The following RYR3 variants were observed in gnomAD, a reference collection of about 807,000 sequenced individuals.
RYR3 encodes brain ryanodine receptor-calcium release channel.
In RYR3, 207 loss-of-function variants were observed where a neutral mutation model predicts 584.3. The ratio of observed to expected loss-of-function variants is 0.35; its 90% CI spans 0.32 to 0.40. RYR3 has a LOEUF of 0.40. Ranked by LOEUF, RYR3 falls within the 10% of genes least tolerant of loss-of-function variation. RYR3 has a pLI of 1.00. For missense variants in RYR3, 5,616 were observed against 6,089.2 expected, an observed-to-expected ratio of 0.92 and a Z score of 2.59; for synonymous variants, 2,416 against 2,248.5, an observed-to-expected ratio of 1.07 and a Z score of -2.11.
chr15:33,826,770 A>T lies in RYR3; in HGVS notation c.11245+18A>T. The T allele has an allele frequency of 6.4e-7, 1 of 1,552,036 alleles. No individual in the cohort carries two copies. The highest frequency in any genetic ancestry group is 8.7e-7 in the Non-Finnish European group (1 of 1,150,394). ...TAACAGTGGTGAGTGGAACAGATTG[A>T]TCTGCCAAGGAAACACAGCACTCGG... On this transcript the variant is annotated intron_variant, in intron 84 of 103. Transcript: ENST00000634891.
chr15:33,490,757 AAAG>A (rs2050899193), intron 2 of RYR3, among the ~76,000 whole-genome samples: 1 of 151,838 alleles, frequency 6.6e-6, no homozygotes, highest in African/African-American at 2.4e-5. Flanking sequence ...AAAAAAAAAA[AAAG>A]AGTCAAGAAA....
intron 3 of RYR3, among the ~76,000 whole-genome samples, chr15:33,517,299 A>C (rs1479668568): frequency 6.6e-6 from 1 of 152,188 alleles, no homozygotes; most frequent in African/African-American, 2.4e-5. Flanking sequence ...AGCCTCTTCT[A>C]CCTTTTAAAT....
At chr15:33,449,307 T>C (rs1363937425) in intron 1 of RYR3, among the ~76,000 whole-genome samples, 1 of 152,172 alleles carries the variant, frequency 6.6e-6, no homozygotes, top group Admixed American at 6.5e-5. Flanking sequence ...CATCCATTCC[T>C]GACCACATGA....
At chr15:33,328,565 A>C (rs964928399) in intron 1 of RYR3, among the ~76,000 whole-genome samples, 5 of 152,176 alleles carry the variant, frequency 3.3e-5, no homozygotes, top group Non-Finnish European at 7.4e-5. Flanking sequence ...GAGCTTCATT[A>C]TGCTTTTGGG....
chr15:33,469,058 T>C (rs2048712236), intron 1 of RYR3, among the ~76,000 whole-genome samples: 1 of 152,160 alleles, frequency 6.6e-6, no homozygotes, highest in Admixed American at 6.5e-5. Flanking sequence ...ATGTTGGCCA[T>C]TTAAAAACAT....
intron 3 of RYR3, among the ~76,000 whole-genome samples, chr15:33,522,766 C>T (rs1232309623): frequency 1.3e-5 from 2 of 152,140 alleles, no homozygotes; most frequent in East Asian, 1.9e-4. Flanking sequence ...CTGTACTTAG[C>T]GAGCTCCTGT....
Position 33,835,070 on chromosome 15 carries a change from C to A in RYR3, c.11566C>A (p.Gln3856Lys). The change falls in exon 87 of 104, where the codon CAG becomes AAG. Residue 3856 changes from glutamine to lysine, a missense_variant and splice_region_variant. Transcript: ENST00000634891. ...TGCTAATATGCAGATGAAACTCTCT[C>A]AGGTACTGTGGCCCATTCCCTGCAC... ...VFANMQMKLSQDSSQIELLKE... is the reference protein window; with the variant it reads ...VFANMQMKLSKDSSQIELLKE... The A allele has an allele frequency of 6.2e-7, 1 of 1,610,318 alleles. No homozygotes were observed. The highest frequency in any genetic ancestry group is 8.5e-7 in the Non-Finnish European group (1 of 1,177,000).
chr15:33,861,107 T>G lies in RYR3; in HGVS notation c.14394T>G (p.Asn4798Lys). 2 of 1,595,912 alleles carry G rather than the reference T, an allele frequency of 1.3e-6. No homozygotes were observed. The highest frequency in any genetic ancestry group is 1.7e-5 in the Admixed American group (1 of 57,386). ...ETKCFICGIG[N>K]DYFDTTPHGF... is the part of the protein sequence containing the mutation. ...AATGTTTCATCTGTGGGATTGGCAA[T>G]GACTACTTTGACACAACCCCTCATG... is the stretch of plus-strand genomic sequence containing the variant. Residue 4798 changes from asparagine (N) to lysine (K), a missense_variant, in exon 102 of 104, where the codon AAT (asparagine) becomes AAG (lysine). Around this residue, in one of 9 missense-constraint regions of RYR3, gnomAD observed 918 missense variants for 887.4 expected, o/e 1.03. Transcript: ENST00000634891.
At chr15:33,648,423 A>G (rs2062234469) in intron 30 of RYR3, among the ~76,000 whole-genome samples, 1 of 152,212 alleles carries the variant, frequency 6.6e-6, no homozygotes, top group Admixed American at 6.5e-5. Flanking sequence ...CACCTGCCTC[A>G]GAGCTGTAGC....
intron 12 of RYR3, among the ~76,000 whole-genome samples, chr15:33,572,854 A>C (rs2058105310): frequency 6.6e-6 from 1 of 152,084 alleles, no homozygotes; most frequent in Non-Finnish European, 1.5e-5. Flanking sequence ...CATGCCTGTA[A>C]TGCCAGCTAC....
At chr15:33,436,586 C>T (rs991490969) in intron 1 of RYR3, among the ~76,000 whole-genome samples, 18 of 151,492 alleles carry the variant, frequency 1.2e-4, no homozygotes, top group African/African-American at 4.1e-4. Flanking sequence ...CTGCAACCTC[C>T]GCCTCCCGGG....
chr15:33,807,961 T>C lies in RYR3; in HGVS notation c.10026+392T>C, dbSNP rs116128269. On this transcript the variant is annotated intron_variant, in intron 70 of 103. Coordinates refer to ENST00000634891, the MANE Select transcript of RYR3 (RefSeq NM_001036.6). ...TTTTTTATTAGTGGTCTCAGCCCTT[T>C]CACACTGTAGGTGTCCTGCATCCTG... Among the ~76,000 whole-genome samples, 822 of 152,326 alleles carry C rather than the reference T, an allele frequency of 5.4e-3. 9 individuals are homozygous for C. Among genetic ancestry groups the C allele is most frequent in the African/African-American group, 0.019 (786 of 41,558 alleles).
chr15:33,700,698 G>A (rs75435867), intron 41 of RYR3, among the ~76,000 whole-genome samples: 5 of 152,258 alleles, frequency 3.3e-5, no homozygotes, highest in East Asian at 3.9e-4. Flanking sequence ...GCCTCAAGAA[G>A]TTTTGTGTTA....
At chr15:33,393,549 G>C (rs2042127221) in intron 1 of RYR3, among the ~76,000 whole-genome samples, 1 of 152,182 alleles carries the variant, frequency 6.6e-6, no homozygotes, top group South Asian at 2.1e-4. Context: ...AGGGAAGCAG[G>C]GTGCTGCAAA....
chr15:33,853,138 T>A (rs2079280462), intron 95 of RYR3, 51 bp downstream of exon 95: 7 of 1,456,954 alleles, frequency 4.8e-6, no homozygotes, highest in African/African-American at 1.4e-5. Flanking sequence ...AAATGTGGTG[T>A]ATGTTTTTTA....
rs553085227 is a variant in RYR3, at chr15:33,512,577, A to T, written c.279+8839A>T. On this transcript the variant is annotated intron_variant, in intron 3 of 103. Transcript: ENST00000634891. ...TCGGCACCTCATGTTTAAGATCAAT[A>T]TGCCTGTCTGATCCTGGCGGTGTTT... is the stretch of plus-strand genomic sequence containing the variant. Among the ~76,000 whole-genome samples, 35 of 152,346 alleles carry T rather than the reference A, an allele frequency of 2.3e-4. No homozygotes were observed. The South Asian group carries it at 7.0e-3, about 31-fold the overall frequency.
At chr15:33,586,917 A>G (rs17817317) in intron 16 of RYR3, among the ~76,000 whole-genome samples, 15,352 of 152,054 alleles carry the variant, frequency 0.1, 978 homozygotes, top group Middle Eastern at 0.18. Context: ...CAGGAGGTGT[A>G]TTTCAGAGCA....
intron 18 of RYR3, among the ~76,000 whole-genome samples, chr15:33,612,176 A>G (rs975202252): frequency 5.9e-5 from 9 of 152,204 alleles, no homozygotes; most frequent in African/African-American, 1.9e-4. Context: ...GAATAAGATG[A>G]TATAGGAAAG....
intron 38 of RYR3, among the ~76,000 whole-genome samples, chr15:33,682,297 C>T (rs1175973611): frequency 6.6e-6 from 1 of 152,058 alleles, no homozygotes; most frequent in Admixed American, 6.6e-5. Flanking sequence ...TAAAGACCCT[C>T]TAACTCTTTG....
Sources: allele counts gnomAD v4.1 joint callset (sites outside exome capture counted in the v4.1 genomes callset), GRCh38; gene constraint gnomAD v4.1.1; regional missense constraint gnomAD v4.1.1; transcripts MANE v1.5; gene names NCBI Gene and HGNC (gene_info 2026-07-23, HGNC 2026-07-21).